SLC22A6: variants seen among roughly 807,000 people sequenced by gnomAD.
The protein encoded by SLC22A6 is PAH transporter.
SLC22A6 carries 45 observed loss-of-function variants against 56.7 expected under a neutral mutation model. That is an observed-to-expected ratio of 0.79 (90% confidence interval 0.63 to 1.02). The LOEUF (loss-of-function observed/expected upper bound fraction) is 1.02. SLC22A6 is among the 50% of genes least tolerant of loss of function. The pLI, the probability that SLC22A6 is intolerant of heterozygous loss-of-function variation, is 0.00. For missense variants in SLC22A6, 606 were observed against 713.8 expected, an observed-to-expected ratio of 0.85 and a Z score of 1.72; for synonymous variants, 291 against 295.9, an observed-to-expected ratio of 0.98 and a Z score of 0.17.
rs2086301154 is a variant in SLC22A6, at chr11:62,984,709, G to GTGGC, written c.-23_-20dup. 1 of 1,605,844 alleles carries GTGGC rather than the reference G, an allele frequency of 6.2e-7. No homozygotes were observed. The highest frequency in any genetic ancestry group is 1.3e-5 in the African/African-American group (1 of 74,804). The stretch of plus-strand genomic sequence containing the variant: ...AGGCCATTGGGCCAGGCCCAGCCCA[G>GTGGC]TGGCTGGGGGCTGAGGCCTTCCAGT... On this transcript the variant is annotated 5_prime_UTR_variant, in exon 1 of 10. Coordinates refer to ENST00000360421, the MANE Select transcript of SLC22A6 (RefSeq NM_153276.3).
rs769189667 is a variant in SLC22A6, at chr11:62,980,955, G to T, written c.1037+30C>A. The T allele has an allele frequency of 4.5e-6, 7 of 1,554,010 alleles. No homozygotes were observed. In the East Asian group the frequency reaches 1.6e-4, roughly 35 times the overall value. On this transcript the variant is annotated intron_variant, in intron 6 of 9. Transcript: ENST00000360421. ...CTCCTCCTGCCCCAGCCAGCCTTTT[G>T]TCTCAGTCTGTCTGTCTTTCTGGGC...
Position 62,980,996 on chromosome 11 carries a change from G to A in SLC22A6, c.1026C>T (p.Leu342=), listed in dbSNP as rs1258130382. ...CTTTCTGGGCCTACCACAGCATGGA[G>A]AGGCAGAGGAAGAGGTGGCGGAGGG... ...CPTLRHLFLC[L]SMLWFATSFA... Residue 342 remains leucine, a synonymous_variant, in exon 6 of 10, where the codon CTC becomes CTT. Coordinates refer to ENST00000360421, the MANE Select transcript of SLC22A6 (RefSeq NM_153276.3). 5 of 1,606,092 alleles carry A rather than the reference G, an allele frequency of 3.1e-6. No homozygotes were observed. In the South Asian group the frequency reaches 4.4e-5, roughly 14 times the overall value.
chr11:62,984,375 T>A lies in SLC22A6; in HGVS notation c.316A>T (p.Thr106Ser). The A allele has an allele frequency of 6.2e-7, 1 of 1,613,908 alleles. No homozygotes were observed. Among genetic ancestry groups the A allele is most frequent in the Non-Finnish European group, 8.5e-7 (1 of 1,179,986 alleles). Residue 106 changes from threonine to serine, a missense_variant, in exon 1 of 10, where the codon ACC (threonine) becomes TCC (serine). Transcript: ENST00000360421. ...CTGTTGTCATAGATCCAGCCATCGG[T>A]GCAGGGCTCTGTGGCCCCTGTGCCA... Reference protein sequence around the residue: ...ANGTGATEPCTDGWIYDNSTF... With the variant: ...ANGTGATEPCSDGWIYDNSTF...
At position 62,979,821 on chromosome 11, in the gene SLC22A6, T is replaced by C. The variant is rs1388759169; in HGVS notation, c.1165A>G (p.Ile389Val). 2 of 1,614,126 alleles carry C rather than the reference T, an allele frequency of 1.2e-6. No individual in the cohort carries two copies. The highest frequency in any genetic ancestry group is 3.3e-5 in the Admixed American group (2 of 60,024). ...LPAKLVGFLV[I>V]NSLGRRPAQM... ...GCAGGCCGGCGACCCAGGGAGTTGA[T>C]GACAAGGAAGCCCACAAGCTTGGCA... The change falls in exon 7 of 10, where the codon ATC becomes GTC. Residue 389 changes from isoleucine to valine, a missense_variant. Transcript: ENST00000360421.
chr11:62,978,309 GTTTATTTTATTTTAT>G (rs57569773), intron 8 of SLC22A6, among the ~76,000 whole-genome samples: 1,860 of 133,300 alleles, frequency 0.014, 38 homozygotes, highest in African/African-American at 0.046. Context: ...TCCCATTCTT[GTTTATTTTATTTTAT>G]TTTATTTTAT....
rs72480414 is a variant in SLC22A6, at chr11:62,977,956, A to T, written c.1362-569T>A. Among the ~76,000 whole-genome samples the T allele has an allele frequency of 3.9e-3, 591 of 152,362 alleles. 4 individuals are homozygous for T. The highest frequency in any genetic ancestry group is 0.014 in the African/African-American group (570 of 41,586). On this transcript the variant is annotated intron_variant, in intron 8 of 9. Transcript: ENST00000360421. ...GGTTAAAAACATTGACTCAGGAGACATACTGCTTGGGGTTCAAATGCATGC... is the reference window on the plus strand; with the variant it reads ...GGTTAAAAACATTGACTCAGGAGACTTACTGCTTGGGGTTCAAATGCATGC...
Position 62,984,868 on chromosome 11 carries a change from C to T in SLC22A6, c.-178G>A. The stretch of plus-strand genomic sequence containing the variant: ...GGGGGGACAGCAGCCTCCTTGGCTG[C>T]TCCTCCTTCTTCCCCGGTCTCCCTG... On this transcript the variant is annotated 5_prime_UTR_variant, in exon 1 of 10. Transcript: ENST00000360421. 1.6e-6 allele frequency: 1 copy of T among 622,622 alleles called. No homozygotes were observed. Among genetic ancestry groups the T allele is most frequent in the Non-Finnish European group, 2.8e-6 (1 of 359,268 alleles). 38.6% of individuals were successfully genotyped at this position (622,622 alleles called of 1,614,324 possible).
chr11:62,979,326 G>A (rs1200020899), intron 8 of SLC22A6, among the ~76,000 whole-genome samples, 162 bp downstream of exon 8: 1 of 152,188 alleles, frequency 6.6e-6, no homozygotes, highest in Non-Finnish European at 1.5e-5. Flanking sequence ...GCTAGGCCAT[G>A]AGGTGTGTAC....
In SLC22A6 at chr11:62,983,580, C is replaced by A. The variant is rs778657112; in HGVS notation, c.585G>T (p.Ser195=). 3.2e-6 allele frequency: 5 copies of A among 1,579,056 alleles called. No homozygotes were observed. In the African/African-American group the frequency reaches 5.4e-5, roughly 17 times the overall value. ...FPIYCAFRLL[S]GMALAGISLN... is the part of the protein sequence containing the mutation. Reference sequence around the variant, plus strand: ...GGGAGATGCCAGCCAGAGCCATGCCCGAGAGGAGCCGGAAGGCGCAGTAGA... The same window carrying A: ...GGGAGATGCCAGCCAGAGCCATGCCAGAGAGGAGCCGGAAGGCGCAGTAGA... Residue 195 remains serine (S), a synonymous_variant, in exon 3 of 10, where the codon TCG becomes TCT. Coordinates refer to ENST00000360421, the MANE Select transcript of SLC22A6 (RefSeq NM_153276.3). This position sits in a 1 kb window ranked among gnomAD's most constrained non-coding sequence, Gnocchi z 4.5.
At position 62,976,806 on chromosome 11, in the gene SLC22A6, C is replaced by A. The variant is rs139060110; in HGVS notation, c.1641G>T (p.Lys547Asn). ...MVPLQASAQE[K>N]NGL ...CCCTTCTCAGTCCTCAGAGTCCATTCTTCTCTTGTGCTGAGGCCTGCAGTG... is the reference window on the plus strand; with the variant it reads ...CCCTTCTCAGTCCTCAGAGTCCATTATTCTCTTGTGCTGAGGCCTGCAGTG... Residue 547 changes from lysine (K) to asparagine (N), a missense_variant, in exon 10 of 10, where the codon AAG (lysine) becomes AAT (asparagine). Lys to Asn is a moderately conservative substitution (Grantham distance 94, BLOSUM62 0). Transcript: ENST00000360421. 8 of 1,613,224 alleles carry A rather than the reference C, an allele frequency of 5.0e-6. No homozygotes were observed. The African/African-American group carries it at 9.3e-5, about 19-fold the overall frequency.
chr11:62,984,796 G>A lies in SLC22A6; in HGVS notation c.-106C>T, dbSNP rs2086302386. 7.7e-7 allele frequency: 1 copy of A among 1,304,010 alleles called. No individual in the cohort carries two copies. Among genetic ancestry groups the A allele is most frequent in the Non-Finnish European group, 1.0e-6 (1 of 968,080 alleles). 80.8% of individuals were successfully genotyped at this position (1,304,010 alleles called of 1,614,324 possible). ...TCGCTGGAGGAGCAGCACTGCCGTT[G>A]CCTCCGCAGCTGGGTTGCTCCGGGA... On this transcript the variant is annotated 5_prime_UTR_variant, in exon 1 of 10. Coordinates refer to ENST00000360421, the MANE Select transcript of SLC22A6 (RefSeq NM_153276.3).
In SLC22A6 at chr11:62,983,634, G is replaced by T; in HGVS notation, c.531C>A (p.Thr177=). The T allele has an allele frequency of 1.2e-6, 2 of 1,611,790 alleles. No individual in the cohort carries two copies. The highest frequency in any genetic ancestry group is 4.5e-5 in the East Asian group (2 of 44,812). The change falls in exon 3 of 10, where the codon ACC becomes ACA. Residue 177 remains threonine, a synonymous_variant. Transcript: ENST00000360421. The surrounding 1 kb of genome is among the most constrained non-coding windows in gnomAD (Gnocchi z 4.5). ...GGAAGTTGGGTGCGAAGGCTGCGCA[G>T]GTCCCTGACACAGCTGTCTGCAGGT... ...LNYLQTAVSG[T]CAAFAPNFPI... is the part of the protein sequence containing the mutation.
At chr11:62,977,060 T>C (rs963366828) in intron 9 of SLC22A6, 124 bp downstream of exon 9, 43 of 1,575,746 alleles carry the variant, frequency 2.7e-5, no homozygotes, top group Admixed American at 8.6e-5. Flanking sequence ...GCTCAGGCAA[T>C]TGGGGACAAA....
In SLC22A6 at chr11:62,984,418, G is replaced by A; in HGVS notation, c.273C>T (p.Leu91=). The A allele has an allele frequency of 6.2e-7, 1 of 1,613,860 alleles. No individual in the cohort carries two copies. The highest frequency in any genetic ancestry group is 8.5e-7 in the Non-Finnish European group (1 of 1,179,976). The change falls in exon 1 of 10, where the codon CTC becomes CTT. Residue 91 remains leucine (L), a synonymous_variant. Coordinates refer to ENST00000360421, the MANE Select transcript of SLC22A6 (RefSeq NM_153276.3). ...CTGTGCCATTGGCTTCTGTGCCATT[G>A]AGAAAGGGCAGTCCCCACTGCGGGG... ...FTSPQWGLPF[L]NGTEANGTGA...
At position 62,976,727 on chromosome 11, in the gene SLC22A6, T is replaced by G. The variant is rs1270670357; in HGVS notation, c.*67A>C. The G allele has an allele frequency of 3.0e-6, 4 of 1,329,000 alleles. No homozygotes were observed. The highest frequency in any genetic ancestry group is 2.1e-6 in the Non-Finnish European group (2 of 950,604). 82.3% of individuals were successfully genotyped at this position (1,329,000 alleles called of 1,614,324 possible). ...CACCATTTCCTCTTCCTCCTCCTTG[T>G]GTGGGTGGCCGGAGACCTGTAGGAC... On this transcript the variant is annotated 3_prime_UTR_variant, in exon 10 of 10. Coordinates refer to ENST00000360421, the MANE Select transcript of SLC22A6 (RefSeq NM_153276.3).
Position 62,981,020 on chromosome 11 carries a change from G to A in SLC22A6, c.1002C>T (p.Thr334=), listed in dbSNP as rs2086246669. 9 of 1,610,838 alleles carry A rather than the reference G, an allele frequency of 5.6e-6. No individual in the cohort carries two copies. The highest frequency in any genetic ancestry group is 6.8e-6 in the Non-Finnish European group (8 of 1,177,494). The part of the protein sequence containing the change: ...ASAMELLRCP[T]LRHLFLCLSM... ...AGAGGCAGAGGAAGAGGTGGCGGAG[G>A]GTGGGGCAGCGCAGCAGCTCCATGG... Residue 334 remains threonine (T), a synonymous_variant, in exon 6 of 10, where the codon ACC becomes ACT. Coordinates refer to ENST00000360421, the MANE Select transcript of SLC22A6 (RefSeq NM_153276.3).
At chr11:62,981,815 C>G in intron 4 of SLC22A6, 27 bp downstream of exon 4, 1 of 1,580,304 alleles carries the variant, frequency 6.3e-7, no homozygotes. Context: ...CCTGTGGCAA[C>G]CACCTCCAAC....
At chr11:62,978,358 A>AT (rs1196790681) in intron 8 of SLC22A6, among the ~76,000 whole-genome samples, 2 of 139,488 alleles carry the variant, frequency 1.4e-5, no homozygotes, top group Non-Finnish European at 3.0e-5. Flanking sequence ...ATTTTATTTT[A>AT]TTTTTTTGAG....
At chr11:62,978,663 C>A (rs902815066) in intron 8 of SLC22A6, among the ~76,000 whole-genome samples, 6 of 145,710 alleles carry the variant, frequency 4.1e-5, no homozygotes, top group African/African-American at 1.5e-4. Context: ...GCCATCTTGG[C>A]TCACTGCAAG....
Sources: allele counts gnomAD v4.1 joint callset (sites outside exome capture counted in the v4.1 genomes callset), GRCh38; gene constraint gnomAD v4.1.1; non-coding constraint Gnocchi (gnomAD v3.1); transcripts MANE v1.5; gene names NCBI Gene and HGNC (gene_info 2026-07-23, HGNC 2026-07-21).